The following CAMK4 variants were observed in gnomAD, a reference collection of about 807,000 sequenced individuals.
CAMK4 encodes the protein calcium/calmodulin dependent protein kinase IV, also known as calcium/calmodulin-dependent protein kinase type IV.
Under a neutral mutation model 44.9 loss-of-function variants are expected in CAMK4, and 22 were observed. The ratio of observed to expected loss-of-function variants is 0.49; its 90% confidence interval spans 0.35 to 0.70. The LOEUF is 0.70. CAMK4 is among the 30% of genes least tolerant of loss of function. CAMK4 has a pLI of 0.01. For missense variants in CAMK4, 498 were observed against 586.8 expected (o/e 0.85, Z 1.56); for synonymous variants, 218 against 215.4 (o/e 1.01, Z -0.11).
At chr5:111,328,885 C>T (rs550788025) in intron 1 of CAMK4, among the ~76,000 whole-genome samples, 16 of 152,000 alleles carry the variant, frequency 1.1e-4, no homozygotes, top group Non-Finnish European at 1.6e-4. Flanking sequence ...TTGCTGAAGT[C>T]GCTTATCAGC....
At chr5:111,273,674 C>A (rs1448549348) in intron 1 of CAMK4, among the ~76,000 whole-genome samples, 8 of 63,586 alleles carry the variant, frequency 1.3e-4, no homozygotes, top group African/African-American at 3.2e-4. Context: ...TTAAAAAATG[C>A]ATTTATATAT....
chr5:111,493,154 T>G lies in CAMK4; in HGVS notation c.*8688T>G, dbSNP rs2112522529. The G allele has an allele frequency of 6.6e-6, 1 of 152,320 alleles. No homozygotes were observed. The highest frequency in any genetic ancestry group is 1.9e-4 in the East Asian group (1 of 5,186). 9.4% of individuals were successfully genotyped at this position (152,320 alleles called of 1,614,324 possible). A position where few individuals can be genotyped will look rare whatever the true frequency, so the allele number is the denominator to read the frequency against. On this transcript the variant is annotated 3_prime_UTR_variant, in exon 11 of 11. Transcript: ENST00000282356. This position sits in a 1 kb window ranked among gnomAD's most constrained non-coding sequence, Gnocchi z 4.1. ...TGAATTAGACTTCCTTACTCCTTCC[T>G]TACTCTGGGTAGGTCCATGTGCAGC...
intron 1 of CAMK4, among the ~76,000 whole-genome samples, chr5:111,225,802 T>C (rs1258085472): frequency 6.6e-6 from 1 of 152,224 alleles, no homozygotes; most frequent in African/African-American, 2.4e-5. Flanking sequence ...ATGTGTAAAA[T>C]AGGCAAACTT....
intron 1 of CAMK4, among the ~76,000 whole-genome samples, chr5:111,339,977 T>C (rs1308250973): frequency 6.6e-6 from 1 of 151,252 alleles, no homozygotes; most frequent in East Asian, 1.9e-4. Context: ...TTTATATCTT[T>C]ATCTATTGTA....
chr5:111,389,284 A>G (rs1394341382), intron 4 of CAMK4, among the ~76,000 whole-genome samples: 1 of 152,112 alleles, frequency 6.6e-6, no homozygotes, highest in Non-Finnish European at 1.5e-5. Flanking sequence ...TCACCTCCCA[A>G]AGGCCCCACC....
rs539342344 is a variant in CAMK4, at chr5:111,403,224, T to TTAAA, written c.459+8443_459+8444insAAAT. Among the ~76,000 whole-genome samples the TTAAA allele has an allele frequency of 8.2e-3, 1,247 of 152,334 alleles. 14 individuals carry two copies. Among genetic ancestry groups the TTAAA allele is most frequent in the African/African-American group, 0.028 (1,159 of 41,574 alleles). On this transcript the variant is annotated intron_variant, in intron 5 of 10. Transcript: ENST00000282356. Reference sequence around the variant, plus strand: ...TGAAGGGACAATGAAGTTTAAGGGTTTTGAAAATAAAATTGCTTTTGACAC... The same window carrying TTAAA: ...TGAAGGGACAATGAAGTTTAAGGGTTTAAATTGAAAATAAAATTGCTTTTGACAC...
intron 5 of CAMK4, among the ~76,000 whole-genome samples, chr5:111,424,109 A>C (rs1280349047): frequency 2.0e-5 from 3 of 152,208 alleles, no homozygotes; most frequent in Non-Finnish European, 2.9e-5. Flanking sequence ...GCTATAGACT[A>C]TATTGGGCCA....
intron 1 of CAMK4, among the ~76,000 whole-genome samples, chr5:111,310,929 A>T (rs957410909): frequency 1.3e-5 from 2 of 152,156 alleles, no homozygotes; most frequent in Non-Finnish European, 1.5e-5. Flanking sequence ...GGTGAGGATC[A>T]TTTTCACAGA....
chr5:111,467,463 C>T (rs1025533141), intron 7 of CAMK4, among the ~76,000 whole-genome samples: 1 of 145,186 alleles, frequency 6.9e-6, no homozygotes. Flanking sequence ...TGACAAAAGA[C>T]TAATATCCAG....
At chr5:111,471,608 G>A (rs1755068610) in intron 7 of CAMK4, among the ~76,000 whole-genome samples, 1 of 152,138 alleles carries the variant, frequency 6.6e-6, no homozygotes, top group East Asian at 1.9e-4. Context: ...AGCCTTTTTA[G>A]TGTCTCAGAC....
chr5:111,445,701 T>G (rs1471926274), intron 5 of CAMK4, among the ~76,000 whole-genome samples: 1 of 152,218 alleles, frequency 6.6e-6, no homozygotes, highest in Non-Finnish European at 1.5e-5. Flanking sequence ...TTGCTGGTAT[T>G]ACGGTCATGA....
intron 5 of CAMK4, among the ~76,000 whole-genome samples, chr5:111,407,266 G>T (rs190552581): frequency 4.0e-5 from 6 of 151,552 alleles, no homozygotes; most frequent in Admixed American, 3.3e-4. Context: ...CAAGAGAATC[G>T]CTTGAACCTG....
chr5:111,454,324 A>G (rs1580775220), intron 7 of CAMK4, among the ~76,000 whole-genome samples: 3 of 152,130 alleles, frequency 2.0e-5, no homozygotes, highest in African/African-American at 7.2e-5. Context: ...ATGTTATACC[A>G]TCTGTCATTT....
chr5:111,479,238 A>G (rs1023676201), intron 9 of CAMK4, among the ~76,000 whole-genome samples: 2 of 152,228 alleles, frequency 1.3e-5, no homozygotes, highest in African/African-American at 2.4e-5. Flanking sequence ...TTATTAAAAT[A>G]TCCTAATAGT....
intron 1 of CAMK4, among the ~76,000 whole-genome samples, chr5:111,227,371 C>T (rs1748242631): frequency 6.6e-6 from 1 of 152,202 alleles, no homozygotes; most frequent in Non-Finnish European, 1.5e-5. Flanking sequence ...GACTCTAATT[C>T]ATTAGTAATG....
chr5:111,233,169 C>T (rs370722717), intron 1 of CAMK4, among the ~76,000 whole-genome samples: 93 of 152,306 alleles, frequency 6.1e-4, no homozygotes, highest in African/African-American at 2.1e-3. Context: ...ACCAGTCAAG[C>T]TAAACTTCTG....
intron 7 of CAMK4, among the ~76,000 whole-genome samples, chr5:111,465,093 G>T (rs1163877142): frequency 6.6e-6 from 1 of 152,042 alleles, no homozygotes; most frequent in African/African-American, 2.4e-5. Context: ...TCTGCCCTGT[G>T]GAGTTTCCTC....
In CAMK4 at chr5:111,421,005, A is replaced by AG. The variant is rs544944499; in HGVS notation, c.460-25678dup. Among the ~76,000 whole-genome samples the AG allele has an allele frequency of 4.6e-3, 704 of 152,360 alleles. 2 individuals are homozygous for AG. Among genetic ancestry groups the AG allele is most frequent in the Non-Finnish European group, 8.4e-3 (573 of 68,034 alleles). On this transcript the variant is annotated intron_variant, in intron 5 of 10. Coordinates refer to ENST00000282356, the MANE Select transcript of CAMK4 (RefSeq NM_001744.6). ...GTAAAGACAGGCATAGGAAATCACA[A>AG]GGGTATTGATTGGGGAAGTGATAAG...
intron 4 of CAMK4, among the ~76,000 whole-genome samples, chr5:111,388,614 C>A (rs1751688762): frequency 6.6e-6 from 1 of 152,202 alleles, no homozygotes; most frequent in Admixed American, 6.5e-5. Flanking sequence ...TCTCAGAGCT[C>A]TCAGGCCATT....
Sources: allele counts gnomAD v4.1 joint callset (sites outside exome capture counted in the v4.1 genomes callset), GRCh38; gene constraint gnomAD v4.1.1; non-coding constraint Gnocchi (gnomAD v3.1); transcripts MANE v1.5; gene names NCBI Gene and HGNC (gene_info 2026-07-23, HGNC 2026-07-21).